USP21: variants seen among roughly 807,000 people sequenced by gnomAD.
USP21 encodes ubiquitin specific peptidase 21, also known as ubiquitin carboxyl-terminal hydrolase 21.
Under a neutral mutation model 70.8 loss-of-function variants are expected in USP21, and 37 were observed. The observed-to-expected ratio is 0.52, with a 90% confidence interval of 0.40 to 0.69. The LOEUF is 0.69. Ranked by LOEUF, USP21 falls within the 30% of genes least tolerant of loss-of-function variation. USP21 has a pLI of 0.00. For synonymous variants in USP21, 263 were observed against 283.1 expected (o/e 0.93, Z 0.71); for missense variants, 584 against 740.8 (o/e 0.79, Z 2.46).
rs762958349 is a variant in USP21 at position 161,165,155 on chromosome 1, C to G, written c.1607+12C>G. The G allele has an allele frequency of 5.0e-6, 8 of 1,607,966 alleles. No homozygotes were observed. The highest frequency in any genetic ancestry group is 6.8e-6 in the Non-Finnish European group (8 of 1,175,068). On this transcript the variant is annotated intron_variant, in intron 13 of 13. Transcript: ENST00000368002. ...TACAATGACTCTCGGTGAGAATAGC[C>G]TCCTATTTACATCCTGCCCCATTCC...
chr1:161,161,022 G>A lies in USP21; in HGVS notation c.382G>A (p.Gly128Arg), dbSNP rs200067760. ...DLRPMGIALG[G>R]HRGTGELGAA... ...GCGTCCAATGGGGATTGCCTTGGGAGGGCACCGTGGCACCGGAGAGCTTGG... is the reference window on the plus strand; with the variant it reads ...GCGTCCAATGGGGATTGCCTTGGGAAGGCACCGTGGCACCGGAGAGCTTGG... Residue 128 changes from glycine to arginine, a missense_variant, in exon 3 of 14, where the codon GGG (glycine) becomes AGG (arginine). By Grantham distance (125) the Gly-to-Arg change is moderately radical (BLOSUM62 -2). Coordinates refer to ENST00000368002, the MANE Select transcript of USP21 (RefSeq NM_001014443.3). This position sits in a 1 kb window ranked among gnomAD's most constrained non-coding sequence, Gnocchi z 4.2. The A allele has an allele frequency of 1.8e-5, 29 of 1,614,242 alleles. No homozygotes were observed. The highest frequency in any genetic ancestry group is 2.5e-5 in the Non-Finnish European group (29 of 1,180,042).
rs900973504 is a variant in USP21 at position 161,162,165 on chromosome 1, C to T, written c.660+68C>T. 1.0e-4 allele frequency: 168 copies of T among 1,613,068 alleles called. No homozygotes were observed. Among genetic ancestry groups the T allele is most frequent in the Non-Finnish European group, 1.3e-4 (155 of 1,179,238 alleles). ...AAATGGTGCTGGGGGTGGGGAAAAC[C>T]CACGAGCTTGGGGAAGGCATGTGGA... On this transcript the variant is annotated intron_variant, in intron 4 of 13. Transcript: ENST00000368002. The surrounding 1 kb of genome is among the most constrained non-coding windows in gnomAD (Gnocchi z 4.1).
At chr1:161,160,321 C>T (rs1468102604) in intron 1 of USP21, 45 bp from the exon 2 acceptor site, 1 of 374,032 alleles carries the variant, frequency 2.7e-6, no homozygotes, top group Non-Finnish European at 5.0e-6. Flanking sequence ...CATTTGTTTA[C>T]CCAATAGATA....
Position 161,163,758 on chromosome 1 carries a change from G to T in USP21, c.1115-120G>T, listed in dbSNP as rs1658139523. ...GTGAAGCTGTGTGAAGAGTTGATTA[G>T]GAGTGTTGGTAGTGGGAAAGGAAGG... is the stretch of plus-strand genomic sequence containing the variant. On this transcript the variant is annotated intron_variant, in intron 8 of 13. Transcript: ENST00000368002. 3.0e-5 allele frequency: 40 copies of T among 1,324,982 alleles called. No individual in the cohort carries two copies. The South Asian group carries it at 4.5e-4, about 15-fold the overall frequency. The allele number at this position is 1,324,982 out of a possible 1,614,324, so 82.1% of individuals were successfully genotyped here.
chr1:161,164,414 G>T lies in USP21; in HGVS notation c.1306-120G>T. 1.4e-6 allele frequency: 2 copies of T among 1,390,516 alleles called. No individual in the cohort carries two copies. Among genetic ancestry groups the T allele is most frequent in the Non-Finnish European group, 2.0e-6 (2 of 989,450 alleles). The allele number at this position is 1,390,516 out of a possible 1,614,324, so 86.1% of individuals were successfully genotyped here. ...TCTAGTACTCCTAGAGCAAAGGGGA[G>T]AAGCCAAGAGGATCCAGCTGTAATG... On this transcript the variant is annotated intron_variant, in intron 10 of 13. Transcript: ENST00000368002. This position sits in a 1 kb window ranked among gnomAD's most constrained non-coding sequence, Gnocchi z 4.2.
intron 8 of USP21, 66 bp downstream of exon 8, chr1:161,163,685 A>T: frequency 6.6e-7 from 1 of 1,523,752 alleles, no homozygotes; most frequent in Non-Finnish European, 9.1e-7. Flanking sequence ...TTGGGGGGAA[A>T]AATCGATACT....
At chr1:161,160,559 C>G (rs1571275988) in intron 2 of USP21, 53 bp downstream of exon 2, 5 of 1,504,716 alleles carry the variant, frequency 3.3e-6, no homozygotes, top group African/African-American at 1.4e-5. Context: ...GGGTTCAGTA[C>G]AGCAGCCTGG....
rs1211853521 is a variant in USP21, at chr1:161,162,612, C to T, written c.782-3C>T. 1 of 1,609,940 alleles carries T rather than the reference C, an allele frequency of 6.2e-7. No individual in the cohort carries two copies. Among genetic ancestry groups the T allele is most frequent in the Non-Finnish European group, 8.5e-7 (1 of 1,176,182 alleles). ...TTTGCCTTCCCCACTCCCATCCCAA[C>T]AGCCTTTGCAGATGTGATTGGTGCC... On this transcript the variant is annotated splice_region_variant and splice_polypyrimidine_tract_variant and intron_variant, in intron 5 of 13. Coordinates refer to ENST00000368002, the MANE Select transcript of USP21 (RefSeq NM_001014443.3). This position sits in a 1 kb window ranked among gnomAD's most constrained non-coding sequence, Gnocchi z 4.1.
chr1:161,163,095 C>CT, intron 7 of USP21, 21 bp downstream of exon 7: 5 of 1,566,130 alleles, frequency 3.2e-6, no homozygotes, highest in Non-Finnish European at 4.3e-6. Flanking sequence ...TTCCCTCTAC[C>CT]TCCTTTCCCC....
rs1373339540 is a variant in USP21 at position 161,162,291 on chromosome 1, C to T, written c.682C>T (p.Gln228Ter). Reference sequence around the variant, plus strand: ...CCAGTGCTTCCTGAATGCTGTGCTGCAGTGTCTGAGCAGCACTCGACCTCT... The same window carrying T: ...CCAGTGCTTCCTGAATGCTGTGCTGTAGTGTCTGAGCAGCACTCGACCTCT... ...GNTCFLNAVL[Q>*]CLSSTRPLRD... Residue 228 changes from glutamine to a stop codon, truncating the protein, a stop_gained, in exon 5 of 14, where the codon CAG becomes TAG. Coordinates refer to ENST00000368002, the MANE Select transcript of USP21 (RefSeq NM_001014443.3). LOFTEE classifies it high-confidence loss of function. The surrounding 1 kb of genome is among the most constrained non-coding windows in gnomAD (Gnocchi z 4.1). The T allele has an allele frequency of 6.2e-7, 1 of 1,611,890 alleles. No individual in the cohort carries two copies.
intron 7 of USP21, 61 bp from the exon 8 acceptor site, chr1:161,163,493 TG>T: frequency 5.3e-6 from 8 of 1,506,688 alleles, no homozygotes; most frequent in Non-Finnish European, 6.5e-6. Context: ...CAGTGGGTGT[TG>T]GGGGTGCCCA....
intron 1 of USP21, 149 bp downstream of exon 1, chr1:161,159,827 C>G (rs1031583982): frequency 6.6e-6 from 1 of 152,256 alleles, no homozygotes; most frequent in Admixed American, 6.6e-5. Context: ...CCCTGGACCG[C>G]GGGGAATACG....
chr1:161,164,469 G>T lies in USP21; in HGVS notation c.1306-65G>T. On this transcript the variant is annotated intron_variant, in intron 10 of 13. Coordinates refer to ENST00000368002, the MANE Select transcript of USP21 (RefSeq NM_001014443.3). The surrounding 1 kb of genome is among the most constrained non-coding windows in gnomAD (Gnocchi z 4.2). Reference sequence around the variant, plus strand: ...GCATACTAAATTTGTATGTGGATCGGGGTGTCAGAAAAGCCAATTGAGGTT... The same window carrying T: ...GCATACTAAATTTGTATGTGGATCGTGGTGTCAGAAAAGCCAATTGAGGTT... 1 of 1,581,260 alleles carries T rather than the reference G, an allele frequency of 6.3e-7. No individual in the cohort carries two copies. The highest frequency in any genetic ancestry group is 1.1e-5 in the South Asian group (1 of 90,280).
Position 161,165,069 on chromosome 1 carries a change from A to T in USP21, c.1533A>T (p.Ser511=). The change falls in exon 13 of 14, where the codon TCA becomes TCT. Residue 511 remains serine, a synonymous_variant. Coordinates refer to ENST00000368002, the MANE Select transcript of USP21 (RefSeq NM_001014443.3). ...AGCTGTATGCCCTTTGCAACCACTC[A>T]GGCAGCGTCCACTATGGCCACTACA... ...VYQLYALCNH[S]GSVHYGHYTA... is the part of the protein sequence containing the mutation. 2 of 1,614,036 alleles carry T rather than the reference A, an allele frequency of 1.2e-6. No individual in the cohort carries two copies. Among genetic ancestry groups the T allele is most frequent in the Non-Finnish European group, 1.7e-6 (2 of 1,180,016 alleles).
chr1:161,163,565 C>T lies in USP21; in HGVS notation c.1060C>T (p.Arg354Ter), dbSNP rs1658119991. 1.2e-6 allele frequency: 2 copies of T among 1,613,198 alleles called. No individual in the cohort carries two copies. The highest frequency in any genetic ancestry group is 1.7e-6 in the Non-Finnish European group (2 of 1,179,920). ...LEEPELSDDD[R>*]ANLMWKRYLE... ...TTTGATCTGTGGTAGTGATGATGACCGAGCCAACCTAATGTGGAAACGTTA... is the reference window on the plus strand; with the variant it reads ...TTTGATCTGTGGTAGTGATGATGACTGAGCCAACCTAATGTGGAAACGTTA... The change falls in exon 8 of 14, where the codon CGA (arginine) becomes TGA (stop). Residue 354 changes from arginine (R) to a stop codon, truncating the protein, a stop_gained. Coordinates refer to ENST00000368002, the MANE Select transcript of USP21 (RefSeq NM_001014443.3). LOFTEE classifies it high-confidence loss of function.
rs373262739 is a variant in USP21 at position 161,161,113 on chromosome 1, G to A, written c.473G>A (p.Arg158His). ...PPTLRRSTSL[R>H]RLGGFPGPPT... ...ACTTTGAGACGTAGCACTTCTCTCC[G>A]CCGCCTAGGGGGCTTTCCTGGACCC... The change falls in exon 3 of 14, where the codon CGC becomes CAC. Residue 158 changes from arginine to histidine, a missense_variant. Around this residue, in one of 4 missense-constraint regions of USP21, gnomAD observed 284 missense variants for 281.0 expected, o/e 1.01. Transcript: ENST00000368002. The surrounding 1 kb of genome is among the most constrained non-coding windows in gnomAD (Gnocchi z 4.2). 18 of 1,614,080 alleles carry A rather than the reference G, an allele frequency of 1.1e-5. No individual in the cohort carries two copies. The highest frequency in any genetic ancestry group is 1.5e-5 in the Non-Finnish European group (18 of 1,180,030).
Position 161,165,083 on chromosome 1 carries a change from A to G in USP21, c.1547A>G (p.Tyr516Cys), listed in dbSNP as rs1156631087. ...TGCAACCACTCAGGCAGCGTCCACT[A>G]TGGCCACTACACAGCCCTGTGCCGG... ...ALCNHSGSVH[Y>C]GHYTALCRCQ... Residue 516 changes from tyrosine (Y) to cysteine (C), a missense_variant, in exon 13 of 14, where the codon TAT (tyrosine) becomes TGT (cysteine). Tyr to Cys is a radical substitution (Grantham distance 194). Coordinates refer to ENST00000368002, the MANE Select transcript of USP21 (RefSeq NM_001014443.3). 1.9e-6 allele frequency: 3 copies of G among 1,614,016 alleles called. No homozygotes were observed. Among genetic ancestry groups the G allele is most frequent in the Non-Finnish European group, 2.5e-6 (3 of 1,180,022 alleles).
intron 1 of USP21, among the ~76,000 whole-genome samples, chr1:161,159,884 G>T (rs575502515): frequency 6.6e-6 from 1 of 152,216 alleles, no homozygotes; most frequent in South Asian, 2.1e-4. Flanking sequence ...TTCTGCCCTC[G>T]AGGGGGGCGG....
At chr1:161,163,682 G>GA (rs1185776674) in intron 8 of USP21, 63 bp downstream of exon 8, 3 of 962,198 alleles carry the variant, frequency 3.1e-6, no homozygotes, top group African/African-American at 3.5e-5. Context: ...GGCTTGGGGG[G>GA]AAAAATCGAT....
Sources: allele counts gnomAD v4.1 joint callset (sites outside exome capture counted in the v4.1 genomes callset), GRCh38; gene constraint gnomAD v4.1.1; regional missense constraint gnomAD v4.1.1; non-coding constraint Gnocchi (gnomAD v3.1); transcripts MANE v1.5; gene names NCBI Gene and HGNC (gene_info 2026-07-23, HGNC 2026-07-21).